Variants in UBASH3B observed in about 807,000 individuals in gnomAD.
UBASH3B encodes the protein ubiquitin associated and SH3 domain containing B.
In UBASH3B, 37 loss-of-function variants were observed where a neutral mutation model predicts 83.4. That is an observed-to-expected ratio of 0.44 (90% CI 0.34 to 0.58). The LOEUF is 0.58. Among genes scored for constraint, UBASH3B ranks in the 20% least tolerant of loss-of-function variants. The pLI, the probability that UBASH3B is intolerant of heterozygous loss-of-function variation, is 0.01. For synonymous variants in UBASH3B, 304 were observed against 318.3 expected, an observed-to-expected ratio of 0.96 and a Z score of 0.48; for missense variants, 657 against 827.2, an observed-to-expected ratio of 0.79 and a Z score of 2.52.
intron 1 of UBASH3B, among the ~76,000 whole-genome samples, chr11:122,683,385 C>G (rs368641452): frequency 6.6e-6 from 1 of 151,922 alleles, no homozygotes; most frequent in African/African-American, 2.4e-5. Flanking sequence ...GAGGCCAAGG[C>G]GGGCAGATCG....
chr11:122,702,947 C>T (rs903573395), intron 1 of UBASH3B, among the ~76,000 whole-genome samples: 2 of 152,198 alleles, frequency 1.3e-5, no homozygotes, highest in Non-Finnish European at 2.9e-5. Context: ...TGCATTCACT[C>T]ATCATTTGTT....
chr11:122,800,292 C>G (rs1458881693), intron 10 of UBASH3B, among the ~76,000 whole-genome samples: 1 of 151,118 alleles, frequency 6.6e-6, no homozygotes, highest in East Asian at 2.0e-4. Flanking sequence ...GTAATCCCAG[C>G]ACTTTGGGAG....
At chr11:122,779,797 A>C in intron 4 of UBASH3B, 102 bp downstream of exon 4, 1 of 1,398,804 alleles carries the variant, frequency 7.1e-7, no homozygotes, top group Non-Finnish European at 9.9e-7. Flanking sequence ...TGGGGTCAGG[A>C]GGTGGAGGAC....
intron 1 of UBASH3B, among the ~76,000 whole-genome samples, chr11:122,689,693 A>G (rs1269902276): frequency 6.6e-6 from 1 of 152,144 alleles, no homozygotes; most frequent in Non-Finnish European, 1.5e-5. Flanking sequence ...CTGGCCCCAG[A>G]CTGCCCTCAT....
intron 1 of UBASH3B, among the ~76,000 whole-genome samples, chr11:122,689,093 C>A (rs926526820): frequency 2.6e-5 from 4 of 152,074 alleles, no homozygotes; most frequent in Non-Finnish European, 5.9e-5. Context: ...AGCCACCGCG[C>A]CTGGCCAGCT....
In UBASH3B at chr11:122,711,519, G is replaced by A. The variant is rs531464783; in HGVS notation, c.161+55309G>A. ...GGCCTGAACGGAGCCGAGGAAGGCC[G>A]GGCACTGGCAGCCTTTAAGTGCCTT... On this transcript the variant is annotated intron_variant, in intron 1 of 13. Transcript: ENST00000284273. Among the ~76,000 whole-genome samples, 15 of 152,352 alleles carry A rather than the reference G, an allele frequency of 9.8e-5. No homozygotes were observed. The South Asian group carries it at 1.5e-3, about 15-fold the overall frequency.
intron 1 of UBASH3B, among the ~76,000 whole-genome samples, chr11:122,742,644 C>T (rs4144904): frequency 0.22 from 32,804 of 152,130 alleles, 3,608 homozygotes; most frequent in Middle Eastern, 0.29. Flanking sequence ...CCTCCAGAAC[C>T]CCCTTGGTCA....
intron 1 of UBASH3B, among the ~76,000 whole-genome samples, chr11:122,745,421 G>A (rs1050349409): frequency 2.0e-5 from 3 of 152,198 alleles, no homozygotes; most frequent in African/African-American, 7.2e-5. Flanking sequence ...TCTGATCTCA[G>A]GGAGTGTACA....
At chr11:122,769,454 C>T in intron 1 of UBASH3B, among the ~76,000 whole-genome samples, 1 of 152,168 alleles carries the variant, frequency 6.6e-6, no homozygotes, top group East Asian at 1.9e-4. Context: ...GTGCCTGGTA[C>T]ATAAAGACCC....
intron 3 of UBASH3B, among the ~76,000 whole-genome samples, chr11:122,778,461 T>C (rs570138986): frequency 6.6e-6 from 1 of 152,008 alleles, no homozygotes; most frequent in East Asian, 1.9e-4. Context: ...CTTCTGATCA[T>C]CTAAGAGGAA....
At chr11:122,800,967 A>G (rs1427056770) in intron 10 of UBASH3B, among the ~76,000 whole-genome samples, 1 of 152,212 alleles carries the variant, frequency 6.6e-6, no homozygotes, top group Non-Finnish European at 1.5e-5. Flanking sequence ...TATGACTTAA[A>G]GCCAGCATAC....
intron 5 of UBASH3B, among the ~76,000 whole-genome samples, chr11:122,786,331 G>C (rs1463094334): frequency 6.6e-6 from 1 of 151,496 alleles, no homozygotes; most frequent in Non-Finnish European, 1.5e-5. Flanking sequence ...TTACAGGTGT[G>C]AGCCACAGTG....
chr11:122,779,806 A>G, intron 4 of UBASH3B, 111 bp downstream of exon 4: 3 of 1,302,782 alleles, frequency 2.3e-6, no homozygotes, highest in South Asian at 2.6e-5. Flanking sequence ...GAGGTGGAGG[A>G]CCCTGCAGGA....
intron 1 of UBASH3B, among the ~76,000 whole-genome samples, chr11:122,769,395 G>A (rs1591805494): frequency 6.6e-6 from 1 of 152,176 alleles, no homozygotes; most frequent in African/African-American, 2.4e-5. Flanking sequence ...TTCAACATGA[G>A]ACTTGGTGGG....
At position 122,754,055 on chromosome 11, in the gene UBASH3B, T is replaced by C. The variant is rs558868283; in HGVS notation, c.162-22164T>C. Among the ~76,000 whole-genome samples, 214 of 152,312 alleles carry C rather than the reference T, an allele frequency of 1.4e-3. 1 individual carries two copies. The highest frequency in any genetic ancestry group is 5.1e-3 in the African/African-American group (210 of 41,582). ...AGCACCTGAAACATGGCCAGTGTGATGTGGAACTGAATGTTCAGTTTTATT... is the reference window on the plus strand; with the variant it reads ...AGCACCTGAAACATGGCCAGTGTGACGTGGAACTGAATGTTCAGTTTTATT... On this transcript the variant is annotated intron_variant, in intron 1 of 13. Transcript: ENST00000284273.
intron 1 of UBASH3B, among the ~76,000 whole-genome samples, chr11:122,764,281 G>T (rs918880850): frequency 6.6e-6 from 1 of 152,186 alleles, no homozygotes; most frequent in Non-Finnish European, 1.5e-5. Context: ...TGCAGCCAAG[G>T]AATCACTATC....
At chr11:122,789,646 T>C (rs1861017156) in intron 6 of UBASH3B, among the ~76,000 whole-genome samples, 1 of 152,286 alleles carries the variant, frequency 6.6e-6, no homozygotes, top group East Asian at 1.9e-4. Context: ...TCCTGGGTCA[T>C]GAGTCAGGGT....
intron 1 of UBASH3B, among the ~76,000 whole-genome samples, chr11:122,697,331 G>A (rs1367022103): frequency 5.3e-5 from 8 of 152,122 alleles, no homozygotes; most frequent in Admixed American, 5.2e-4. Flanking sequence ...GCTATTCAGG[G>A]GGCTGAGGCA....
rs1352471480 is a variant in UBASH3B at position 122,744,905 on chromosome 11, G to A, written c.162-31314G>A. 2.3e-4 allele frequency among the ~76,000 whole-genome samples: 35 copies of A among 150,764 alleles called. No individual in the cohort carries two copies. In the South Asian group the frequency reaches 4.6e-3, roughly 20 times the overall value. On this transcript the variant is annotated intron_variant, in intron 1 of 13. Coordinates refer to ENST00000284273, the MANE Select transcript of UBASH3B (RefSeq NM_032873.5). ...TGTGTGTGTGTGTGTGTGTGCGCGC[G>A]CGCGCGCACTTGGGCACGTGAGTGT...
Sources: gnomAD v4.1 joint callset for allele counts (sites outside exome capture counted in the v4.1 genomes callset) on GRCh38, gnomAD v4.1.1 for gene constraint, MANE v1.5 for transcripts, NCBI Gene and HGNC (gene_info 2026-07-23, HGNC 2026-07-21) for gene names.